Variants in SGIP1 observed in about 807,000 individuals in gnomAD.
The protein encoded by SGIP1 is SH3GL interacting endocytic adaptor 1.
SGIP1 carries 38 observed loss-of-function variants against 107.5 expected under a neutral mutation model. That is an observed-to-expected ratio of 0.35 (90% CI 0.27 to 0.46). The LOEUF (loss-of-function observed/expected upper bound fraction) is 0.46. Ranked by LOEUF, SGIP1 falls within the 20% of genes least tolerant of loss-of-function variation. The probability of loss-of-function intolerance (pLI) is 1.00; values close to 1 mark genes in which losing one functional copy is unlikely to be tolerated. For missense variants in SGIP1, 929 were observed against 1,019.5 expected (o/e 0.91, Z 1.21); for synonymous variants, 365 against 366.1 (o/e 1.00, Z 0.03).
intron 1 of SGIP1, among the ~76,000 whole-genome samples, chr1:66,578,502 C>A (rs191213864): frequency 6.6e-6 from 1 of 152,254 alleles, no homozygotes; most frequent in African/African-American, 2.4e-5. Flanking sequence ...ATAGCCCATC[C>A]CTCCTACAAG....
At chr1:66,589,460 C>T (rs2063264417) in intron 1 of SGIP1, among the ~76,000 whole-genome samples, 1 of 151,750 alleles carries the variant, frequency 6.6e-6, no homozygotes, top group Admixed American at 6.6e-5. Flanking sequence ...GGGCAAGAGT[C>T]CCTGAAGCAA....
chr1:66,679,774 T>C, intron 14 of SGIP1, 22 bp downstream of exon 14: 1 of 1,577,918 alleles, frequency 6.3e-7, no homozygotes, highest in Non-Finnish European at 8.6e-7. Flanking sequence ...TTTTTTCAGT[T>C]CTGGGATGAT....
chr1:66,561,957 C>T (rs1178484657), intron 1 of SGIP1, among the ~76,000 whole-genome samples: 1 of 152,046 alleles, frequency 6.6e-6, no homozygotes, highest in Non-Finnish European at 1.5e-5. Flanking sequence ...CCGTTTTCAT[C>T]ATTTTGCTTT....
intron 7 of SGIP1, among the ~76,000 whole-genome samples, chr1:66,646,064 T>A (rs1041486466): frequency 6.6e-6 from 1 of 152,148 alleles, no homozygotes; most frequent in African/African-American, 2.4e-5. Context: ...TGGTCTCGAA[T>A]TGCTGACCTC....
chr1:66,602,618 T>C (rs2066071023), intron 1 of SGIP1, among the ~76,000 whole-genome samples: 1 of 151,916 alleles, frequency 6.6e-6, no homozygotes, highest in Non-Finnish European at 1.5e-5. Flanking sequence ...TGTGCACATG[T>C]ACCCTAGAAC....
At chr1:66,639,165 C>T (rs904066373) in intron 4 of SGIP1, among the ~76,000 whole-genome samples, 1 of 152,166 alleles carries the variant, frequency 6.6e-6, no homozygotes, top group Admixed American at 6.5e-5. Flanking sequence ...CAAAAATCCA[C>T]CATTAATCCT....
intron 1 of SGIP1, among the ~76,000 whole-genome samples, chr1:66,606,682 A>C (rs1440100109): frequency 6.6e-6 from 1 of 152,228 alleles, no homozygotes; most frequent in Non-Finnish European, 1.5e-5. Flanking sequence ...GTATCTGACG[A>C]AGAGTCATCA....
At chr1:66,561,331 T>C (rs1025274882) in intron 1 of SGIP1, among the ~76,000 whole-genome samples, 2 of 152,076 alleles carry the variant, frequency 1.3e-5, no homozygotes, top group Admixed American at 1.3e-4. Context: ...ACTTTTGATA[T>C]GGGCATACAT....
At chr1:66,690,460 C>A in intron 17 of SGIP1, 144 bp downstream of exon 17, 1 of 1,170,636 alleles carries the variant, frequency 8.5e-7, no homozygotes. Context: ...TCTTTTAAAA[C>A]CACCTTCTCA....
chr1:66,574,276 G>A (rs2060759305), intron 1 of SGIP1, among the ~76,000 whole-genome samples: 1 of 152,104 alleles, frequency 6.6e-6, no homozygotes, highest in African/African-American at 2.4e-5. Flanking sequence ...AAGTTCCACT[G>A]TGTTGTGTGG....
chr1:66,648,276 C>G (rs1448355927), intron 7 of SGIP1, among the ~76,000 whole-genome samples: 2 of 152,192 alleles, frequency 1.3e-5, no homozygotes, highest in Non-Finnish European at 2.9e-5. Flanking sequence ...GCAACTGGTG[C>G]AAGGAAACCT....
intron 1 of SGIP1, among the ~76,000 whole-genome samples, chr1:66,594,538 T>C (rs17129151): frequency 1.3e-5 from 2 of 152,194 alleles, no homozygotes; most frequent in Admixed American, 6.5e-5. Context: ...GCCCTTAGCC[T>C]TGGAGATCCA....
intron 1 of SGIP1, among the ~76,000 whole-genome samples, chr1:66,587,282 A>G (rs1324188795): frequency 6.6e-6 from 1 of 151,962 alleles, no homozygotes; most frequent in Non-Finnish European, 1.5e-5. Context: ...TTTTTCAGCT[A>G]TGCCTTCTTT....
chr1:66,709,206 G>A (rs2092740297), intron 18 of SGIP1, among the ~76,000 whole-genome samples: 1 of 108,638 alleles, frequency 9.2e-6, no homozygotes, highest in Non-Finnish European at 1.7e-5. Context: ...ACAGGCCCCA[G>A]TGTGTGATGT....
chr1:66,695,313 C>A, intron 17 of SGIP1, 121 bp from the exon 18 acceptor site: 1 of 1,556,110 alleles, frequency 6.4e-7, no homozygotes, highest in East Asian at 2.4e-5. Context: ...ACGCTAATGG[C>A]ATGTAGTGCC....
At chr1:66,708,912 T>C (rs1394105414) in intron 18 of SGIP1, among the ~76,000 whole-genome samples, 1 of 152,342 alleles carries the variant, frequency 6.6e-6, no homozygotes, top group Non-Finnish European at 1.5e-5. Context: ...TTCTACGCTA[T>C]GAGAACTGAC....
In SGIP1 at chr1:66,745,199, T is replaced by C. The variant is rs540304847; in HGVS notation, c.*2104T>C. On this transcript the variant is annotated 3_prime_UTR_variant, in exon 25 of 25. Coordinates refer to ENST00000371037, the MANE Select transcript of SGIP1 (RefSeq NM_032291.4). ...TTCCCAAAAAATAATTTTACTGATT[T>C]TTAAAAATTTAATTAAAAACATAGA... is the stretch of plus-strand genomic sequence containing the variant. 243 of 152,148 alleles carry C rather than the reference T, an allele frequency of 1.6e-3. 1 individual carries two copies. Among genetic ancestry groups the C allele is most frequent in the African/African-American group, 5.6e-3 (233 of 41,578 alleles). 9.4% of individuals were successfully genotyped at this position (152,148 alleles called of 1,614,324 possible). A position where few individuals can be genotyped will look rare whatever the true frequency, so the allele number is the denominator to read the frequency against.
Position 66,750,036 on chromosome 1 carries a change from G to GTGTGTGT in SGIP1, c.*6941_*6942insTGTGTGT, listed in dbSNP as rs1557865975. ...CTCTCTTTCTCTGTGTGTGTGTGGG[G>GTGTGTGT]GTGTGTGTGTGTGTGTGTGTGTGTG... is the stretch of plus-strand genomic sequence containing the variant. On this transcript the variant is annotated 3_prime_UTR_variant, in exon 25 of 25. Transcript: ENST00000371037. 2.5e-5 allele frequency among the ~76,000 whole-genome samples: 3 copies of GTGTGTGT among 119,072 alleles called. No individual in the cohort carries two copies. The highest frequency in any genetic ancestry group is 9.5e-5 in the African/African-American group (3 of 31,448). 78.1% of individuals were successfully genotyped at this position (119,072 alleles called of 152,430 possible).
intron 17 of SGIP1, 97 bp from the exon 18 acceptor site, chr1:66,695,337 A>G (rs1297178619): frequency 3.7e-6 from 6 of 1,602,092 alleles, no homozygotes; most frequent in African/African-American, 2.7e-5. Context: ...ACCCTTCCCT[A>G]TAGTGAGATT....
Sources: gnomAD v4.1 joint callset for allele counts (sites outside exome capture counted in the v4.1 genomes callset) on GRCh38, gnomAD v4.1.1 for gene constraint, MANE v1.5 for transcripts, NCBI Gene and HGNC (gene_info 2026-07-23, HGNC 2026-07-21) for gene names.